The following PRELID2 variants were observed in gnomAD, a reference collection of about 807,000 sequenced individuals.
The protein encoded by PRELID2 is PRELI domain-containing protein 2.
A neutral mutation model predicts 28.4 loss-of-function variants in PRELID2; 25 were observed. The observed-to-expected ratio is 0.88, with a 90% confidence interval of 0.64 to 1.23. PRELID2 has a LOEUF of 1.23. Ranked by LOEUF, PRELID2 falls within the 50% of genes most tolerant of loss-of-function variation. The probability of loss-of-function intolerance (pLI) is 0.00; values close to 1 mark genes in which losing one functional copy is unlikely to be tolerated. For synonymous variants in PRELID2, 76 were observed against 71.6 expected (o/e 1.06, Z -0.31); for missense variants, 201 against 214.4 (o/e 0.94, Z 0.39).
At chr5:145,405,081 C>G in the PRELID2 span, among the ~76,000 whole-genome samples, 1 of 152,104 alleles carries the variant, frequency 6.6e-6, no homozygotes, top group Admixed American at 6.6e-5. Context: ...CTTCAAGTGC[C>G]ACGCTATCCC....
chr5:145,243,552 A>C, the PRELID2 span, among the ~76,000 whole-genome samples: 283 of 152,164 alleles, frequency 1.9e-3, 3 homozygotes, highest in Non-Finnish European at 3.4e-3. Flanking sequence ...AAGGCTATGA[A>C]AGCTATGTTT....
the PRELID2 span, among the ~76,000 whole-genome samples, chr5:145,461,589 A>G: frequency 6.6e-6 from 1 of 152,256 alleles, no homozygotes; most frequent in Non-Finnish European, 1.5e-5. Context: ...GGCGTGAGCC[A>G]TCGTGCCCGG....
chr5:145,718,681 C>T (rs889052181), intron 1 of PRELID2, among the ~76,000 whole-genome samples: 55 of 151,642 alleles, frequency 3.6e-4, no homozygotes, highest in African/African-American at 1.2e-3. Flanking sequence ...ACAAATAGAC[C>T]AACGGAACAG....
chr5:145,486,474 T>C (rs1561492390), intron 1 of PRELID2, among the ~76,000 whole-genome samples: 1 of 152,194 alleles, frequency 6.6e-6, no homozygotes, highest in African/African-American at 2.4e-5. Context: ...ATGAGTCCAG[T>C]GCTCTTAAAC....
the PRELID2 span, among the ~76,000 whole-genome samples, chr5:145,411,975 A>G: frequency 6.6e-6 from 1 of 152,192 alleles, no homozygotes; most frequent in African/African-American, 2.4e-5. Flanking sequence ...TAGCTGGAGC[A>G]GCTGGGATGC....
chr5:145,344,685 C>A, the PRELID2 span, among the ~76,000 whole-genome samples: 1 of 152,066 alleles, frequency 6.6e-6, no homozygotes, highest in Non-Finnish European at 1.5e-5. Flanking sequence ...GAGAGGGATG[C>A]TCCTGCCAAG....
intron 4 of PRELID2, among the ~76,000 whole-genome samples, chr5:145,808,247 T>C (rs891114164): frequency 6.6e-6 from 1 of 151,920 alleles, no homozygotes; most frequent in East Asian, 1.9e-4. Context: ...AGAGCCAGAG[T>C]GTTTTAATAC....
At chr5:145,736,221 C>T (rs1756492050) in intron 1 of PRELID2, among the ~76,000 whole-genome samples, 1 of 152,176 alleles carries the variant, frequency 6.6e-6, no homozygotes, top group Non-Finnish European at 1.5e-5. Context: ...ACAGTGGGAT[C>T]ACATATTTGT....
the PRELID2 span, among the ~76,000 whole-genome samples, chr5:145,399,155 A>C: frequency 6.6e-6 from 1 of 151,674 alleles, no homozygotes; most frequent in African/African-American, 2.4e-5. Flanking sequence ...TCATTTCTGT[A>C]CTCTTCCTCT....
chr5:145,660,174 T>A (rs2149676538), intron 1 of PRELID2, among the ~76,000 whole-genome samples: 2 of 152,296 alleles, frequency 1.3e-5, no homozygotes, highest in Middle Eastern at 6.8e-3. Context: ...AGGTCAGGAA[T>A]CACAGGTTTC....
At chr5:145,372,572 G>A in the PRELID2 span, among the ~76,000 whole-genome samples, 3 of 151,790 alleles carry the variant, frequency 2.0e-5, no homozygotes, top group African/African-American at 7.3e-5. Flanking sequence ...AGCTCTTCTT[G>A]GTGAATTGTT....
intron 1 of PRELID2, among the ~76,000 whole-genome samples, chr5:145,607,698 A>T (rs1333236275): frequency 6.6e-6 from 1 of 152,040 alleles, no homozygotes; most frequent in Non-Finnish European, 1.5e-5. Flanking sequence ...CCACATGCAG[A>T]TGGGAAGAAT....
chr5:145,728,585 T>A (rs776321825), intron 1 of PRELID2: 22 of 893,668 alleles, frequency 2.5e-5, no homozygotes, highest in Non-Finnish European at 4.1e-5. Flanking sequence ...TCATGGCAAT[T>A]AACACATTTA....
At chr5:145,407,830 C>T in the PRELID2 span, among the ~76,000 whole-genome samples, 1 of 152,190 alleles carries the variant, frequency 6.6e-6, no homozygotes, top group Admixed American at 6.5e-5. Context: ...CACTGCTACC[C>T]TAACCAGCAT....
At chr5:145,448,525 G>A in the PRELID2 span, among the ~76,000 whole-genome samples, 4 of 152,120 alleles carry the variant, frequency 2.6e-5, no homozygotes, top group Non-Finnish European at 4.4e-5. Context: ...GAAGGCAGGG[G>A]TTGCAATCCT....
chr5:145,254,240 C>T, the PRELID2 span, among the ~76,000 whole-genome samples: 2 of 152,112 alleles, frequency 1.3e-5, no homozygotes, highest in Admixed American at 1.3e-4. Flanking sequence ...ATGTAAATAT[C>T]CATGTTAAAC....
intron 1 of PRELID2, among the ~76,000 whole-genome samples, chr5:145,473,728 A>G (rs941291791): frequency 1.6e-4 from 25 of 152,214 alleles, no homozygotes; most frequent in African/African-American, 6.0e-4. Flanking sequence ...TCTTAAATTA[A>G]GAGGAACTAG....
the PRELID2 span, among the ~76,000 whole-genome samples, chr5:145,383,660 C>A: frequency 6.7e-6 from 1 of 149,340 alleles, no homozygotes; most frequent in African/African-American, 2.4e-5. Context: ...TCACACCATG[C>A]ACAAAAATTA....
At chr5:145,794,337 T>C (rs904684036) in intron 5 of PRELID2, among the ~76,000 whole-genome samples, 4 of 152,192 alleles carry the variant, frequency 2.6e-5, no homozygotes, top group African/African-American at 9.6e-5. Context: ...GTGGTTTCTG[T>C]TACTTGCAAC....
Sources: allele counts gnomAD v4.1 joint callset (sites outside exome capture counted in the v4.1 genomes callset), GRCh38; gene constraint gnomAD v4.1.1; transcripts MANE v1.5; gene names NCBI Gene and HGNC (gene_info 2026-07-23, HGNC 2026-07-21).